ADAMTS16: variants seen among roughly 807,000 people sequenced by gnomAD.
ADAMTS16 encodes the protein A disintegrin and metalloproteinase with thrombospondin motifs 16.
A neutral mutation model predicts 145.8 loss-of-function variants in ADAMTS16; 94 were observed. The ratio of observed to expected loss-of-function variants is 0.64; its 90% CI spans 0.55 to 0.77. The LOEUF is 0.77. ADAMTS16 is among the 30% of genes least tolerant of loss of function. ADAMTS16 has a pLI of 0.00. For missense variants in ADAMTS16, 1,585 were observed against 1,591.5 expected, an observed-to-expected ratio of 1.00 and a Z score of 0.07; for synonymous variants, 659 against 604.3, an observed-to-expected ratio of 1.09 and a Z score of -1.33.
At chr5:5,268,009 T>G (rs1408764740) in intron 18 of ADAMTS16, among the ~76,000 whole-genome samples, 1 of 152,172 alleles carries the variant, frequency 6.6e-6, no homozygotes, top group Non-Finnish European at 1.5e-5. Context: ...AAGAGACACT[T>G]CAGGCTTGCG....
At chr5:5,256,842 C>T (rs939582223) in intron 17 of ADAMTS16, among the ~76,000 whole-genome samples, 27 of 152,158 alleles carry the variant, frequency 1.8e-4, no homozygotes, top group South Asian at 6.2e-4. Context: ...TCCTAAAAAG[C>T]CGTAAGAGTT....
At chr5:5,185,125 G>A (rs1246998821) in intron 4 of ADAMTS16, among the ~76,000 whole-genome samples, 1 of 152,124 alleles carries the variant, frequency 6.6e-6, no homozygotes. Flanking sequence ...GCAAATGAGT[G>A]CTCAATAAAC....
chr5:5,303,644 G>C lies in ADAMTS16; in HGVS notation c.3064G>C (p.Ala1022Pro). The part of the protein sequence containing the change: ...ACKSTNPSAR[A>P]QLLPDAVCTS... The stretch of plus-strand genomic sequence containing the variant: ...TAAGAGCACCAACCCCTCGGCCAGA[G>C]CGCAGCTGCTGCCCGACGCTGTCTG... The change falls in exon 20 of 23, where the codon GCG becomes CCG. Residue 1022 changes from alanine to proline, a missense_variant. Ala to Pro is a conservative substitution (Grantham distance 27, BLOSUM62 -1). Transcript: ENST00000274181. 1 of 1,614,104 alleles carries C rather than the reference G, an allele frequency of 6.2e-7. No homozygotes were observed. Among genetic ancestry groups the C allele is most frequent in the Non-Finnish European group, 8.5e-7 (1 of 1,180,034 alleles).
intron 17 of ADAMTS16, among the ~76,000 whole-genome samples, chr5:5,258,227 T>G (rs1737864695): frequency 6.6e-6 from 1 of 152,092 alleles, no homozygotes; most frequent in South Asian, 2.1e-4. Flanking sequence ...GTTGGTGAGG[T>G]CGGGGAGTGG....
intron 10 of ADAMTS16, among the ~76,000 whole-genome samples, chr5:5,210,598 A>C (rs1401699467): frequency 1.3e-5 from 2 of 152,096 alleles, no homozygotes; most frequent in Non-Finnish European, 2.9e-5. Context: ...ATAATTGCTA[A>C]ATGTTGCCTG....
chr5:5,266,823 T>C (rs1738255670), intron 18 of ADAMTS16, among the ~76,000 whole-genome samples: 1 of 152,222 alleles, frequency 6.6e-6, no homozygotes, highest in African/African-American at 2.4e-5. Flanking sequence ...GCTGTTTCTA[T>C]ATCATCTCAC....
At chr5:5,265,667 A>C (rs1018206312) in intron 18 of ADAMTS16, among the ~76,000 whole-genome samples, 1 of 152,126 alleles carries the variant, frequency 6.6e-6, no homozygotes, top group Non-Finnish European at 1.5e-5. Context: ...CCTTGTGGTA[A>C]AGTGGGCTCA....
chr5:5,178,839 C>A (rs1560936052), intron 3 of ADAMTS16, among the ~76,000 whole-genome samples: 1 of 151,808 alleles, frequency 6.6e-6, no homozygotes, highest in Non-Finnish European at 1.5e-5. Context: ...AGCGTGTAGG[C>A]CAGGAACCAG....
chr5:5,183,705 C>CTG (rs1430955310), intron 4 of ADAMTS16, among the ~76,000 whole-genome samples: 1 of 152,200 alleles, frequency 6.6e-6, no homozygotes, highest in Non-Finnish European at 1.5e-5. Flanking sequence ...AGGCACAGCT[C>CTG]TGTGTGCAAG....
intron 18 of ADAMTS16, among the ~76,000 whole-genome samples, chr5:5,295,629 A>G (rs1319215122): frequency 6.6e-6 from 1 of 152,198 alleles, no homozygotes; most frequent in African/African-American, 2.4e-5. Context: ...GTCAGCTCAG[A>G]ATGACTAAAG....
At chr5:5,226,320 T>G (rs1218317332) in intron 11 of ADAMTS16, among the ~76,000 whole-genome samples, 1 of 152,124 alleles carries the variant, frequency 6.6e-6, no homozygotes, top group African/African-American at 2.4e-5. Context: ...AGTCATACCT[T>G]ACATGGTGGC....
In ADAMTS16 at chr5:5,305,063, C is replaced by CCA. The variant is rs746089868; in HGVS notation, c.3186+1314_3186+1315dup. The stretch of plus-strand genomic sequence containing the variant: ...CCACACCACACACACACATCCCACA[C>CCA]CACACACACACACACACATCCCACA... On this transcript the variant is annotated intron_variant, in intron 20 of 22. Transcript: ENST00000274181. Among the ~76,000 whole-genome samples the CCA allele has an allele frequency of 3.2e-3, 162 of 51,282 alleles. 4 individuals are homozygous for CCA. Among genetic ancestry groups the CCA allele is most frequent in the African/African-American group, 9.7e-3 (130 of 13,362 alleles). The allele number at this position is 51,282 out of a possible 152,430, so 33.6% of individuals were successfully genotyped here.
intron 18 of ADAMTS16, among the ~76,000 whole-genome samples, chr5:5,297,639 G>C (rs1230033727): frequency 6.6e-6 from 1 of 152,168 alleles, no homozygotes; most frequent in Non-Finnish European, 1.5e-5. Flanking sequence ...GATAAGCTCT[G>C]ATGACAGGAT....
intron 18 of ADAMTS16, among the ~76,000 whole-genome samples, chr5:5,290,323 G>A (rs1739259649): frequency 6.6e-6 from 1 of 152,162 alleles, no homozygotes; most frequent in Non-Finnish European, 1.5e-5. Flanking sequence ...CATGAACTTT[G>A]TGGCAGAAGG....
rs1192988856 is a variant in ADAMTS16, at chr5:5,320,042, C to A, written c.*904C>A. On this transcript the variant is annotated 3_prime_UTR_variant, in exon 23 of 23. Coordinates refer to ENST00000274181, the MANE Select transcript of ADAMTS16 (RefSeq NM_139056.4). The surrounding 1 kb of genome is among the most constrained non-coding windows in gnomAD (Gnocchi z 5.1). ...GCCACACAGCCTATGTGACAATAACCTTAGAGTCCTGTGTTTTGTTTTTGT... is the reference window on the plus strand; with the variant it reads ...GCCACACAGCCTATGTGACAATAACATTAGAGTCCTGTGTTTTGTTTTTGT... The A allele has an allele frequency of 2.5e-6, 1 of 394,854 alleles. No homozygotes were observed. The highest frequency in any genetic ancestry group is 8.6e-5 in the East Asian group (1 of 11,680). The allele number at this position is 394,854 out of a possible 1,614,324, so 24.5% of individuals were successfully genotyped here.
intron 11 of ADAMTS16, among the ~76,000 whole-genome samples, chr5:5,226,377 C>T (rs973638775): frequency 6.6e-6 from 1 of 152,084 alleles, no homozygotes; most frequent in Admixed American, 6.5e-5. Context: ...ATAAAACTAT[C>T]AGATCCCATG....
chr5:5,315,901 C>T (rs1734040840), intron 21 of ADAMTS16, among the ~76,000 whole-genome samples: 1 of 152,098 alleles, frequency 6.6e-6, no homozygotes, highest in Admixed American at 6.5e-5. Flanking sequence ...AGTAAGCCTC[C>T]CAGATAAGTT....
At chr5:5,225,539 T>C (rs951494383) in intron 11 of ADAMTS16, among the ~76,000 whole-genome samples, 1 of 146,756 alleles carries the variant, frequency 6.8e-6, no homozygotes, top group Non-Finnish European at 1.5e-5. Context: ...GAGACGGAGG[T>C]TGCAGTGAGC....
chr5:5,309,209 C>T (rs1400641610), intron 21 of ADAMTS16, among the ~76,000 whole-genome samples: 1 of 152,232 alleles, frequency 6.6e-6, no homozygotes, highest in Non-Finnish European at 1.5e-5. Context: ...GCAGCCTACA[C>T]ACATCCTCCA....
Sources: gnomAD v4.1 joint callset for allele counts (sites outside exome capture counted in the v4.1 genomes callset) on GRCh38, gnomAD v4.1.1 for gene constraint, Gnocchi (gnomAD v3.1) non-coding constraint, MANE v1.5 for transcripts, NCBI Gene and HGNC (gene_info 2026-07-23, HGNC 2026-07-21) for gene names.